UBE2Z: variants seen among roughly 807,000 people sequenced by gnomAD.
UBE2Z encodes the protein ubiquitin conjugating enzyme E2 Z, also known as ubiquitin-conjugating enzyme E2 Z.
Under a neutral mutation model 32.6 loss-of-function variants are expected in UBE2Z, and 10 were observed. That is an observed-to-expected ratio of 0.31 (90% CI 0.19 to 0.52). UBE2Z has a LOEUF of 0.52. UBE2Z is among the 20% of genes least tolerant of loss of function. UBE2Z has a pLI of 0.97. For missense variants in UBE2Z, 343 were observed against 480.9 expected (o/e 0.71, Z 2.68); for synonymous variants, 183 against 190.8 (o/e 0.96, Z 0.34).
intron 3 of UBE2Z, chr17:48,915,873 C>CG (rs936695963): frequency 8.9e-6 from 3 of 338,502 alleles, no homozygotes; most frequent in African/African-American, 2.4e-5. Context: ...TTGCCCCCCC[C>CG]CCTTGATTTG....
intron 4 of UBE2Z, among the ~76,000 whole-genome samples, chr17:48,918,478 C>T (rs942026001): frequency 1.4e-4 from 21 of 151,640 alleles, no homozygotes; most frequent in African/African-American, 4.8e-4. Flanking sequence ...GGACTACAGG[C>T]GCACACCACC....
At chr17:48,914,766 T>G (rs887258361) in intron 3 of UBE2Z, among the ~76,000 whole-genome samples, 1 of 152,184 alleles carries the variant, frequency 6.6e-6, no homozygotes, top group Non-Finnish European at 1.5e-5. Flanking sequence ...GGCTCACACC[T>G]GTAATCCCAG....
chr17:48,921,386 T>C (rs985600871), intron 5 of UBE2Z, 114 bp downstream of exon 5: 22 of 788,344 alleles, frequency 2.8e-5, no homozygotes, highest in Non-Finnish European at 3.7e-5. Context: ...AGGAAAGATG[T>C]GGTTCCTGCT....
At chr17:48,915,875 C>CCCCT in intron 3 of UBE2Z, 1 of 327,652 alleles carries the variant, frequency 3.1e-6, no homozygotes, top group Non-Finnish European at 5.5e-6. Flanking sequence ...GCCCCCCCCC[C>CCCCT]TTGATTTGAG....
At chr17:48,921,661 G>A (rs2040759365) in intron 5 of UBE2Z, among the ~76,000 whole-genome samples, 1 of 152,224 alleles carries the variant, frequency 6.6e-6, no homozygotes, top group Admixed American at 6.5e-5. Context: ...AGAATTTTGA[G>A]TAAGGTTTGG....
intron 4 of UBE2Z, among the ~76,000 whole-genome samples, chr17:48,919,547 G>T (rs929141965): frequency 6.6e-5 from 10 of 152,242 alleles, no homozygotes; most frequent in African/African-American, 2.4e-4. Context: ...CACAGTCATA[G>T]CTCACTGAAG....
Position 48,922,847 on chromosome 17 carries a change from AG to A in UBE2Z, c.808del (p.Val270Ter). 2 of 1,609,522 alleles carry A rather than the reference AG, an allele frequency of 1.2e-6. No individual in the cohort carries two copies. Among genetic ancestry groups the A allele is most frequent in the Non-Finnish European group, 1.7e-6 (2 of 1,176,812 alleles). ...GKCPCPEPLR[G>X]VMEKSFLEYY... Reference sequence around the variant, plus strand: ...TTACACTTTTCTGCTTGTTTTCCAGAGGGGTGATGGAGAAGTCCTTTCTGGA... The same window carrying A: ...TTACACTTTTCTGCTTGTTTTCCAGAGGGTGATGGAGAAGTCCTTTCTGGA... On this transcript the variant is annotated frameshift_variant and splice_region_variant, in exon 6 of 7. Coordinates refer to ENST00000360943, the MANE Select transcript of UBE2Z (RefSeq NM_023079.5). LOFTEE classifies it high-confidence loss of function.
intron 3 of UBE2Z, among the ~76,000 whole-genome samples, chr17:48,913,666 T>C (rs1441290934): frequency 2.0e-5 from 3 of 152,152 alleles, no homozygotes; most frequent in Non-Finnish European, 2.9e-5. Context: ...AAATCTGTTT[T>C]TTACAAGCTC....
chr17:48,917,932 T>C (rs1233484946), intron 4 of UBE2Z, among the ~76,000 whole-genome samples: 1 of 152,146 alleles, frequency 6.6e-6, no homozygotes, highest in African/African-American at 2.4e-5. Flanking sequence ...TTAGAACAGC[T>C]TAATTAATTT....
At chr17:48,917,062 T>C (rs2040725884) in intron 4 of UBE2Z, among the ~76,000 whole-genome samples, 1 of 151,882 alleles carries the variant, frequency 6.6e-6, no homozygotes. Context: ...ATCCCAGCAC[T>C]TTGGGAGGCC....
intron 1 of UBE2Z, 126 bp from the exon 2 acceptor site, chr17:48,910,681 TG>T: frequency 1.3e-6 from 1 of 752,014 alleles, no homozygotes; most frequent in Admixed American, 1.9e-5. Flanking sequence ...TACAAACACT[TG>T]CGGTACCAAG....
At chr17:48,925,227 G>A (rs908912302) in intron 6 of UBE2Z, among the ~76,000 whole-genome samples, 2 of 150,578 alleles carry the variant, frequency 1.3e-5, no homozygotes, top group Non-Finnish European at 2.9e-5. Flanking sequence ...GAAGGTTGCA[G>A]TGACCCGAGA....
chr17:48,920,247 C>T (rs1045943807), intron 4 of UBE2Z, among the ~76,000 whole-genome samples: 64 of 152,040 alleles, frequency 4.2e-4, no homozygotes, highest in Admixed American at 7.2e-4. Flanking sequence ...GTAATCCCAG[C>T]GCTTTGGAAG....
rs1423197916 is a variant in UBE2Z, at chr17:48,922,849, G to A, written c.806G>A (p.Gly269Glu). Reference protein sequence around the residue: ...GKCPCPEPLRGVMEKSFLEYY... With the variant: ...GKCPCPEPLREVMEKSFLEYY... ...ACACTTTTCTGCTTGTTTTCCAGAGGGGTGATGGAGAAGTCCTTTCTGGAG... is the reference window on the plus strand; with the variant it reads ...ACACTTTTCTGCTTGTTTTCCAGAGAGGTGATGGAGAAGTCCTTTCTGGAG... Residue 269 changes from glycine (G) to glutamate (E), a missense_variant and splice_region_variant, in exon 6 of 7, where the codon GGG (glycine) becomes GAG (glutamate). This residue lies in a region of UBE2Z where 182 missense variants were observed against 312.4 expected (regional missense o/e 0.58). Coordinates refer to ENST00000360943, the MANE Select transcript of UBE2Z (RefSeq NM_023079.5). 1 of 1,610,794 alleles carries A rather than the reference G, an allele frequency of 6.2e-7. No individual in the cohort carries two copies. The highest frequency in any genetic ancestry group is 2.2e-5 in the East Asian group (1 of 44,776).
Position 48,908,594 on chromosome 17 carries a change from A to G in UBE2Z, c.91A>G (p.Ser31Gly). Residue 31 changes from serine to glycine, a missense_variant, in exon 1 of 7, where the codon AGC (serine) becomes GGC (glycine). This residue lies in a region of UBE2Z where 103 missense variants were observed against 96.2 expected (regional missense o/e 1.07). Coordinates refer to ENST00000360943, the MANE Select transcript of UBE2Z (RefSeq NM_023079.5). ...ASSVAGVVGV[S>G]GSGGGFGPPF... is the part of the protein sequence containing the mutation. Reference sequence around the variant, plus strand: ...CAGCGTTGCTGGTGTTGTTGGCGTTAGCGGCAGCGGCGGCGGGTTCGGGCC... The same window carrying G: ...CAGCGTTGCTGGTGTTGTTGGCGTTGGCGGCAGCGGCGGCGGGTTCGGGCC... 8.1e-7 allele frequency: 1 copy of G among 1,239,454 alleles called. No individual in the cohort carries two copies. The highest frequency in any genetic ancestry group is 1.0e-6 in the Non-Finnish European group (1 of 988,774). 76.8% of individuals were successfully genotyped at this position (1,239,454 alleles called of 1,614,324 possible). A position where few individuals can be genotyped will look rare whatever the true frequency, so the allele number is the denominator to read the frequency against.
intron 6 of UBE2Z, among the ~76,000 whole-genome samples, chr17:48,925,229 G>C (rs1353506705): frequency 6.7e-6 from 1 of 148,628 alleles, no homozygotes; most frequent in Non-Finnish European, 1.5e-5. Context: ...AGGTTGCAGT[G>C]ACCCGAGATC....
chr17:48,916,099 G>C lies in UBE2Z; in HGVS notation c.602G>C (p.Ser201Thr), dbSNP rs1482800843. The change falls in exon 4 of 7, where the codon AGC becomes ACC. Residue 201 changes from serine (S) to threonine (T), a missense_variant. Physicochemically the swap from Ser to Thr is moderately conservative, Grantham distance 58. Coordinates refer to ENST00000360943, the MANE Select transcript of UBE2Z (RefSeq NM_023079.5). Reference protein sequence around the residue: ...ILGTWTGPAWSPAQSISSVLI... With the variant: ...ILGTWTGPAWTPAQSISSVLI... ...AGTACATGGACTGGACCTGCCTGGA[G>C]CCCAGCCCAGAGCATCTCCTCAGTG... 1.3e-6 allele frequency: 2 copies of C among 1,588,290 alleles called. No individual in the cohort carries two copies. Among genetic ancestry groups the C allele is most frequent in the Non-Finnish European group, 1.7e-6 (2 of 1,170,598 alleles).
chr17:48,918,739 G>A (rs2040738117), intron 4 of UBE2Z, among the ~76,000 whole-genome samples: 1 of 133,710 alleles, frequency 7.5e-6, no homozygotes. Context: ...TGATTTTTAG[G>A]TCTTGTCTTT....
intron 4 of UBE2Z, among the ~76,000 whole-genome samples, chr17:48,919,461 C>T (rs968717247): frequency 2.6e-5 from 4 of 152,134 alleles, no homozygotes; most frequent in Non-Finnish European, 4.4e-5. Context: ...TTCGAAGCTT[C>T]TGATAGATTT....
Sources: gnomAD v4.1 joint callset for allele counts (sites outside exome capture counted in the v4.1 genomes callset) on GRCh38, gnomAD v4.1.1 for gene constraint, gnomAD v4.1.1 regional missense constraint, MANE v1.5 for transcripts, NCBI Gene and HGNC (gene_info 2026-07-23, HGNC 2026-07-21) for gene names.